The following CUBN variants were observed in gnomAD, a reference collection of about 807,000 sequenced individuals.
CUBN encodes the protein cubilin, also known as 460 kDa receptor.
A neutral mutation model predicts 405.3 loss-of-function variants in CUBN; 282 were observed. The ratio of observed to expected loss-of-function variants is 0.70; its 90% CI spans 0.63 to 0.77. CUBN has a LOEUF of 0.77. Ranked by LOEUF, CUBN falls within the 30% of genes least tolerant of loss-of-function variation. The pLI is 0.00. For missense variants in CUBN, 4,514 were observed against 4,475.2 expected, an observed-to-expected ratio of 1.01 and a Z score of -0.25; for synonymous variants, 1,684 against 1,617.0, an observed-to-expected ratio of 1.04 and a Z score of -0.99.
intron 65 of CUBN, among the ~76,000 whole-genome samples, chr10:16,830,310 C>G (rs1838944154): frequency 6.6e-6 from 1 of 152,156 alleles, no homozygotes; most frequent in African/African-American, 2.4e-5. Context: ...GCCAAGATTC[C>G]ATTACCCACG....
chr10:16,978,341 T>A (rs1006277035), intron 31 of CUBN, among the ~76,000 whole-genome samples: 1 of 152,194 alleles, frequency 6.6e-6, no homozygotes, highest in Non-Finnish European at 1.5e-5. Context: ...TCACACTACC[T>A]CATGAACCAT....
Position 16,937,777 on chromosome 10 carries a change from T to C in CUBN, c.5741A>G (p.Asp1914Gly). The change falls in exon 39 of 67, where the codon GAT (aspartate) becomes GGT (glycine). Residue 1914 changes from aspartate (D) to glycine (G), a missense_variant. Physicochemically the swap from Asp to Gly is moderately conservative, Grantham distance 94. Coordinates refer to ENST00000377833, the MANE Select transcript of CUBN (RefSeq NM_001081.4). ...NCYYDKLRIYDGPSIHARLIG... is the reference protein window; with the variant it reads ...NCYYDKLRIYGGPSIHARLIG... The stretch of plus-strand genomic sequence containing the variant: ...TAGGCGGGCGTGAATGCTAGGCCCA[T>C]CATAGATCTGTACATAAAAACAGAT... 6.2e-7 allele frequency: 1 copy of C among 1,613,874 alleles called. No individual in the cohort carries two copies. Among genetic ancestry groups the C allele is most frequent in the Non-Finnish European group, 8.5e-7 (1 of 1,179,832 alleles).
intron 39 of CUBN, among the ~76,000 whole-genome samples, chr10:16,935,706 C>T (rs1286930330): frequency 2.0e-5 from 3 of 151,416 alleles, no homozygotes; most frequent in Non-Finnish European, 4.4e-5. Flanking sequence ...GGTGAAACCC[C>T]ATCTGTACTA....
At chr10:16,914,104 G>A (rs541524488) in intron 47 of CUBN, 112 bp from the exon 48 acceptor site, 5 of 1,132,906 alleles carry the variant, frequency 4.4e-6, no homozygotes, top group Admixed American at 3.9e-5. Context: ...GATAAAATTA[G>A]TCTCCATATT....
Position 16,828,884 on chromosome 10 carries a change from C to G in CUBN, c.10685G>C (p.Gly3562Ala). 1 of 1,614,144 alleles carries G rather than the reference C, an allele frequency of 6.2e-7. No individual in the cohort carries two copies. Among genetic ancestry groups the G allele is most frequent in the Non-Finnish European group, 8.5e-7 (1 of 1,180,012 alleles). ...NFYFISIDDP[G>A]DCVQNYLTLY... Reference sequence around the variant, plus strand: ...TGTGAGATAGTTCTGGACACAGTCTCCTGGATCGTCAATGCTGATGAAGTA... The same window carrying G: ...TGTGAGATAGTTCTGGACACAGTCTGCTGGATCGTCAATGCTGATGAAGTA... The change falls in exon 66 of 67, where the codon GGA becomes GCA. Residue 3562 changes from glycine to alanine, a missense_variant. By Grantham distance (60) the Gly-to-Ala change is moderately conservative. Coordinates refer to ENST00000377833, the MANE Select transcript of CUBN (RefSeq NM_001081.4).
intron 28 of CUBN, among the ~76,000 whole-genome samples, chr10:17,014,012 C>G (rs932230981): frequency 6.6e-6 from 1 of 152,138 alleles, no homozygotes; most frequent in African/African-American, 2.4e-5. Flanking sequence ...GAGGGCCGTG[C>G]ATGTACGTAT....
intron 22 of CUBN, among the ~76,000 whole-genome samples, chr10:17,054,146 T>C (rs111495787): frequency 0.056 from 8,523 of 151,684 alleles, 404 homozygotes; most frequent in East Asian, 0.19. Flanking sequence ...GGGTGACCAA[T>C]ATGGTGAAAC....
intron 41 of CUBN, among the ~76,000 whole-genome samples, chr10:16,927,933 A>G (rs545572779): frequency 6.6e-6 from 1 of 152,212 alleles, no homozygotes; most frequent in South Asian, 2.1e-4. Flanking sequence ...CACACCAGAG[A>G]CCTGAAGGCA....
At chr10:16,954,967 C>T (rs10795434) in intron 31 of CUBN, among the ~76,000 whole-genome samples, 104,398 of 152,130 alleles carry the variant, frequency 0.69, 36,437 homozygotes, top group African/African-American at 0.82. Context: ...ATTTGTTGGA[C>T]CTGTTTGTTC....
intron 43 of CUBN, among the ~76,000 whole-genome samples, chr10:16,924,419 A>G (rs949175433): frequency 1.3e-5 from 2 of 151,836 alleles, no homozygotes; most frequent in African/African-American, 4.8e-5. Flanking sequence ...GTTGGTGAAG[A>G]CTCTTATTCA....
At chr10:17,089,925 C>T (rs975694987) in intron 14 of CUBN, among the ~76,000 whole-genome samples, 4 of 151,920 alleles carry the variant, frequency 2.6e-5, no homozygotes, top group African/African-American at 9.7e-5. Context: ...AGTTTAAGAA[C>T]GGCCTGGGCA....
chr10:16,936,080 T>A (rs903729130), intron 39 of CUBN, among the ~76,000 whole-genome samples: 4 of 152,050 alleles, frequency 2.6e-5, no homozygotes, highest in African/African-American at 9.7e-5. Context: ...TTTCCTTTTT[T>A]CTTTTTCTTC....
At chr10:17,114,291 C>T in intron 7 of CUBN, 102 bp from the exon 8 acceptor site, 1 of 1,193,726 alleles carries the variant, frequency 8.4e-7, no homozygotes, top group East Asian at 2.5e-5. Context: ...CTCTAACGTT[C>T]ATTTCCATAA....
intron 31 of CUBN, among the ~76,000 whole-genome samples, chr10:16,979,944 C>G (rs893836547): frequency 6.6e-6 from 1 of 152,138 alleles, no homozygotes; most frequent in Non-Finnish European, 1.5e-5. Flanking sequence ...ATCTATCCAG[C>G]TGACAAAGGG....
rs145569358 is a variant in CUBN, at chr10:16,828,994, G to A, written c.10575C>T (p.Pro3525=). The change falls in exon 66 of 67, where the codon CCC becomes CCT. Residue 3525 remains proline (P), a synonymous_variant. Transcript: ENST00000377833. The stretch of plus-strand genomic sequence containing the variant: ...TGTTTGGGTATGTGCCTGGATAGCC[G>A]GGGCTGGTGAATGAGCCTCTGTCTC... ...LYGDRGSFTS[P]GYPGTYPNNT... 1,595 of 1,614,026 alleles carry A rather than the reference G, an allele frequency of 9.9e-4. 2 individuals are homozygous for A. Among genetic ancestry groups the A allele is most frequent in the Non-Finnish European group, 1.0e-3 (1,219 of 1,180,030 alleles).
intron 28 of CUBN, among the ~76,000 whole-genome samples, chr10:16,991,816 T>C (rs994489520): frequency 6.6e-6 from 1 of 152,156 alleles, no homozygotes; most frequent in African/African-American, 2.4e-5. Context: ...GTTCAACCAT[T>C]GTGGAAGTCA....
chr10:16,888,552 A>C lies in CUBN; in HGVS notation c.8770T>G (p.Phe2924Val). The C allele has an allele frequency of 6.2e-7, 1 of 1,613,632 alleles. No homozygotes were observed. Among genetic ancestry groups the C allele is most frequent in the Non-Finnish European group, 8.5e-7 (1 of 1,179,696 alleles). Reference sequence around the variant, plus strand: ...ATGATGTAACCTGAAGGGCCAGTGAAATTACTTCCACATCCTATGTGGGAA... The same window carrying C: ...ATGATGTAACCTGAAGGGCCAGTGACATTACTTCCACATCCTATGTGGGAA... The part of the protein sequence containing the change: ...ASFVSRCGSN[F>V]TGPSGYIISP... Residue 2924 changes from phenylalanine to valine, a missense_variant, in exon 56 of 67, where the codon TTC (phenylalanine) becomes GTC (valine). Physicochemically the swap from Phe to Val is conservative, Grantham distance 50. Around this residue, in one of 5 missense-constraint regions of CUBN, gnomAD observed 1,186 missense variants for 1,186.9 expected, o/e 1.00. Transcript: ENST00000377833.
intron 28 of CUBN, among the ~76,000 whole-genome samples, chr10:17,019,435 T>G (rs1834434420): frequency 6.6e-6 from 1 of 152,084 alleles, no homozygotes; most frequent in African/African-American, 2.4e-5. Flanking sequence ...TCCCTACCCT[T>G]TCTCTGCTTA....
intron 17 of CUBN, among the ~76,000 whole-genome samples, chr10:17,080,198 T>G (rs1201697932): frequency 2.0e-5 from 3 of 152,342 alleles, no homozygotes; most frequent in Middle Eastern, 3.4e-3. Context: ...AGCCAATGAT[T>G]ATTTTGGAGA....
Sources: gnomAD v4.1 joint callset for allele counts (sites outside exome capture counted in the v4.1 genomes callset) on GRCh38, gnomAD v4.1.1 for gene constraint, gnomAD v4.1.1 regional missense constraint, MANE v1.5 for transcripts, NCBI Gene and HGNC (gene_info 2026-07-23, HGNC 2026-07-21) for gene names.